Variants in SV2B observed in about 807,000 individuals in gnomAD.
The protein encoded by SV2B is solute carrier family 22 member B2.
In SV2B, 41 loss-of-function variants were observed where a neutral mutation model predicts 73.9. The ratio of observed to expected loss-of-function variants is 0.56; its 90% CI spans 0.43 to 0.72. SV2B has a LOEUF of 0.72. Among genes scored for constraint, SV2B ranks in the 30% least tolerant of loss-of-function variants. The probability of loss-of-function intolerance (pLI) is 0.00; values close to 1 mark genes in which losing one functional copy is unlikely to be tolerated. For synonymous variants in SV2B, 314 were observed against 314.2 expected, an observed-to-expected ratio of 1.00 and a Z score of 0.01; for missense variants, 764 against 857.8, an observed-to-expected ratio of 0.89 and a Z score of 1.37.
At chr15:91,152,784 CA>C (rs1567295260) in intron 1 of SV2B, among the ~76,000 whole-genome samples, 1 of 152,194 alleles carries the variant, frequency 6.6e-6, no homozygotes, top group African/African-American at 2.4e-5. Context: ...TTTCATCCCA[CA>C]GCACCAACTA....
At chr15:91,173,084 G>C (rs147945127) in intron 1 of SV2B, among the ~76,000 whole-genome samples, 1 of 152,158 alleles carries the variant, frequency 6.6e-6, no homozygotes, top group Non-Finnish European at 1.5e-5. Flanking sequence ...TTTTTGGTTG[G>C]TGCGATGAGG....
At chr15:91,159,566 A>T (rs2043636545) in intron 1 of SV2B, among the ~76,000 whole-genome samples, 1 of 152,238 alleles carries the variant, frequency 6.6e-6, no homozygotes, top group Non-Finnish European at 1.5e-5. Context: ...TACTTCATAG[A>T]GAGGATTAAG....
chr15:91,196,975 G>A (rs754807305), intron 1 of SV2B, among the ~76,000 whole-genome samples: 3 of 152,208 alleles, frequency 2.0e-5, no homozygotes, highest in Non-Finnish European at 2.9e-5. Flanking sequence ...AAACAGCACT[G>A]CTGCAGGGGG....
chr15:91,149,350 A>C (rs1276910934), intron 1 of SV2B, among the ~76,000 whole-genome samples: 1 of 152,204 alleles, frequency 6.6e-6, no homozygotes, highest in Non-Finnish European at 1.5e-5. Context: ...GATCCACCCC[A>C]CAGGGTATAG....
intron 1 of SV2B, among the ~76,000 whole-genome samples, chr15:91,108,517 A>G (rs1025059376): frequency 1.3e-5 from 2 of 152,228 alleles, no homozygotes; most frequent in African/African-American, 4.8e-5. Flanking sequence ...TAGGCACACT[A>G]TACGTATTTA....
In SV2B at chr15:91,301,714, A is replaced by C. The variant is rs1485757427; in HGVS notation, c.*9162A>C. Among the ~76,000 whole-genome samples, 1 of 152,214 alleles carries C rather than the reference A, an allele frequency of 6.6e-6. No homozygotes were observed. Among genetic ancestry groups the C allele is most frequent in the Non-Finnish European group, 1.5e-5 (1 of 68,030 alleles). On this transcript the variant is annotated 3_prime_UTR_variant, in exon 13 of 13. Transcript: ENST00000394232. This position sits in a 1 kb window ranked among gnomAD's most constrained non-coding sequence, Gnocchi z 4.3. ...TTCCTTATCCCAAATGTTTGGGACCAGAAGTGTTCTGGATTTCCGGTTTTA... is the reference window on the plus strand; with the variant it reads ...TTCCTTATCCCAAATGTTTGGGACCCGAAGTGTTCTGGATTTCCGGTTTTA...
Position 91,100,940 on chromosome 15 carries a change from A to G in SV2B, c.-392+577A>G, listed in dbSNP as rs2041705040. On this transcript the variant is annotated intron_variant, in intron 1 of 12. Coordinates refer to ENST00000394232, the MANE Select transcript of SV2B (RefSeq NM_001323032.3). The surrounding 1 kb of genome is among the most constrained non-coding windows in gnomAD (Gnocchi z 6.4). The stretch of plus-strand genomic sequence containing the variant: ...AGGGAAAGAAAATGACTTGTTTTGC[A>G]GGGATGGGCTAGCAAATGCGTTTAG... Among the ~76,000 whole-genome samples, 1 of 152,234 alleles carries G rather than the reference A, an allele frequency of 6.6e-6. No individual in the cohort carries two copies. The highest frequency in any genetic ancestry group is 6.5e-5 in the Admixed American group (1 of 15,288).
In SV2B at chr15:91,280,080, G is replaced by A. The variant is rs1431030775; in HGVS notation, c.1374-1648G>A. ...AGGTGTAGGCTGGAATTTAGGAAAT[G>A]ACATCTTTAATAATAACCTCAAGTT... On this transcript the variant is annotated intron_variant, in intron 9 of 12. Transcript: ENST00000394232. This position sits in a 1 kb window ranked among gnomAD's most constrained non-coding sequence, Gnocchi z 5.8. Among the ~76,000 whole-genome samples, 1 of 152,212 alleles carries A rather than the reference G, an allele frequency of 6.6e-6. No homozygotes were observed. Among genetic ancestry groups the A allele is most frequent in the Admixed American group, 6.5e-5 (1 of 15,282 alleles).
In SV2B at chr15:91,223,752, A is replaced by C. The variant is rs2046289188; in HGVS notation, c.-391-2121A>C. On this transcript the variant is annotated intron_variant, in intron 1 of 12. Coordinates refer to ENST00000394232, the MANE Select transcript of SV2B (RefSeq NM_001323032.3). This position sits in a 1 kb window ranked among gnomAD's most constrained non-coding sequence, Gnocchi z 4.6. ...GACGTGGTTCAGGCCAACATGGTCTAATAGAAATTTATTTACTGGAGATGG... is the reference window on the plus strand; with the variant it reads ...GACGTGGTTCAGGCCAACATGGTCTCATAGAAATTTATTTACTGGAGATGG... 6.6e-6 allele frequency among the ~76,000 whole-genome samples: 1 copy of C among 152,250 alleles called. No individual in the cohort carries two copies. Among genetic ancestry groups the C allele is most frequent in the South Asian group, 2.1e-4 (1 of 4,838 alleles).
At chr15:91,218,643 C>G (rs1422215619) in intron 1 of SV2B, among the ~76,000 whole-genome samples, 1 of 152,154 alleles carries the variant, frequency 6.6e-6, no homozygotes, top group African/African-American at 2.4e-5. Flanking sequence ...CCTATAATGC[C>G]TCAGTGTCCA....
chr15:91,294,352 C>G lies in SV2B; in HGVS notation c.*1800C>G, dbSNP rs1567445645. On this transcript the variant is annotated 3_prime_UTR_variant, in exon 13 of 13. Coordinates refer to ENST00000394232, the MANE Select transcript of SV2B (RefSeq NM_001323032.3). This position sits in a 1 kb window ranked among gnomAD's most constrained non-coding sequence, Gnocchi z 4.1. ...AGTTTTAATGGTTAAAATGTTTACTCTCCTTCTGTCAACCCTCACCTTTTT... is the reference window on the plus strand; with the variant it reads ...AGTTTTAATGGTTAAAATGTTTACTGTCCTTCTGTCAACCCTCACCTTTTT... 1 of 152,152 alleles carries G rather than the reference C, an allele frequency of 6.6e-6. No homozygotes were observed. Among genetic ancestry groups the G allele is most frequent in the Admixed American group, 6.5e-5 (1 of 15,276 alleles). The allele number at this position is 152,152 out of a possible 1,614,324, so 9.4% of individuals were successfully genotyped here.
At position 91,283,297 on chromosome 15, in the gene SV2B, C is replaced by A. The variant is rs538638500; in HGVS notation, c.1508-724C>A. ...ACTACAGCATGGGCTCTGGAGTGATCGGCTCCATCTGGAACCAACTCTCTT... is the reference window on the plus strand; with the variant it reads ...ACTACAGCATGGGCTCTGGAGTGATAGGCTCCATCTGGAACCAACTCTCTT... On this transcript the variant is annotated intron_variant, in intron 10 of 12. Coordinates refer to ENST00000394232, the MANE Select transcript of SV2B (RefSeq NM_001323032.3). The surrounding 1 kb of genome is among the most constrained non-coding windows in gnomAD (Gnocchi z 4.3). Among the ~76,000 whole-genome samples, 1 of 152,190 alleles carries A rather than the reference C, an allele frequency of 6.6e-6. No homozygotes were observed. Among genetic ancestry groups the A allele is most frequent in the African/African-American group, 2.4e-5 (1 of 41,444 alleles).
At position 91,105,012 on chromosome 15, in the gene SV2B, C is replaced by G. The variant is rs570877006; in HGVS notation, c.-392+4649C>G. Reference sequence around the variant, plus strand: ...CTCGAATGGGCAGAGCCTGTACTTGCTCTTGTGACTGTCTCTTTCTGTGTT... The same window carrying G: ...CTCGAATGGGCAGAGCCTGTACTTGGTCTTGTGACTGTCTCTTTCTGTGTT... On this transcript the variant is annotated intron_variant, in intron 1 of 12. Transcript: ENST00000394232. The surrounding 1 kb of genome is among the most constrained non-coding windows in gnomAD (Gnocchi z 5.5). Among the ~76,000 whole-genome samples, 9 of 152,294 alleles carry G rather than the reference C, an allele frequency of 5.9e-5. No individual in the cohort carries two copies. The highest frequency in any genetic ancestry group is 1.4e-4 in the African/African-American group (6 of 41,572).
Position 91,242,469 on chromosome 15 carries a change from A to G in SV2B, c.452-9350A>G, listed in dbSNP as rs2047058010. ...AATACATGTGGTGGCCTGCTAACTGATCTTTACGATTCCACCTGTTGGAGG... is the reference window on the plus strand; with the variant it reads ...AATACATGTGGTGGCCTGCTAACTGGTCTTTACGATTCCACCTGTTGGAGG... On this transcript the variant is annotated intron_variant, in intron 2 of 12. Transcript: ENST00000394232. This position sits in a 1 kb window ranked among gnomAD's most constrained non-coding sequence, Gnocchi z 4.9. 6.6e-6 allele frequency among the ~76,000 whole-genome samples: 1 copy of G among 152,174 alleles called. No homozygotes were observed. The highest frequency in any genetic ancestry group is 2.1e-4 in the South Asian group (1 of 4,828).
Position 91,139,527 on chromosome 15 carries a change from C to T in SV2B, c.-392+39164C>T, listed in dbSNP as rs78190626. Among the ~76,000 whole-genome samples the T allele has an allele frequency of 0.019, 2,927 of 152,152 alleles. 79 individuals carry two copies. Among genetic ancestry groups the T allele is most frequent in the African/African-American group, 0.065 (2,693 of 41,478 alleles). ...AGAAAAGCAGGGTGAGGGCAAACAC[C>T]GCTATCAATGCTGTAGTAAGGAGAG... On this transcript the variant is annotated intron_variant, in intron 1 of 12. Transcript: ENST00000394232. This position sits in a 1 kb window ranked among gnomAD's most constrained non-coding sequence, Gnocchi z 5.2.
At chr15:91,190,471 A>G (rs2044967549) in intron 1 of SV2B, among the ~76,000 whole-genome samples, 1 of 152,140 alleles carries the variant, frequency 6.6e-6, no homozygotes, top group East Asian at 1.9e-4. Flanking sequence ...AAATTCCCCC[A>G]TTCAGCAGGA....
At chr15:91,135,294 A>T (rs985243543) in intron 1 of SV2B, among the ~76,000 whole-genome samples, 3 of 152,166 alleles carry the variant, frequency 2.0e-5, no homozygotes, top group African/African-American at 7.2e-5. Context: ...ACCAATTTTC[A>T]TCCCGTTGGA....
At chr15:91,165,319 G>A (rs2043873803) in intron 1 of SV2B, among the ~76,000 whole-genome samples, 1 of 152,098 alleles carries the variant, frequency 6.6e-6, no homozygotes, top group South Asian at 2.1e-4. Context: ...CGACAAGAGC[G>A]AGACTCTGTC....
intron 9 of SV2B, among the ~76,000 whole-genome samples, chr15:91,269,403 G>C (rs2048220140): frequency 6.6e-6 from 1 of 152,208 alleles, no homozygotes; most frequent in African/African-American, 2.4e-5. Context: ...GGTTGTGAAT[G>C]GTAAGTAAAT....
Sources: allele counts gnomAD v4.1 joint callset (sites outside exome capture counted in the v4.1 genomes callset), GRCh38; gene constraint gnomAD v4.1.1; non-coding constraint Gnocchi (gnomAD v3.1); transcripts MANE v1.5; gene names NCBI Gene and HGNC (gene_info 2026-07-23, HGNC 2026-07-21).